Variants in PCDHGB5 observed in about 807,000 individuals in gnomAD.
The protein encoded by PCDHGB5 is protocadherin gamma-B5.
A neutral mutation model predicts 62.9 loss-of-function variants in PCDHGB5; 48 were observed. The observed-to-expected ratio is 0.76, with a 90% CI of 0.61 to 0.97. PCDHGB5 has a LOEUF of 0.97. Among genes scored for constraint, PCDHGB5 ranks in the 50% least tolerant of loss-of-function variants. The pLI is 0.00. For missense variants in PCDHGB5, 1,118 were observed against 1,198.6 expected, an observed-to-expected ratio of 0.93 and a Z score of 0.99; for synonymous variants, 474 against 511.2, an observed-to-expected ratio of 0.93 and a Z score of 0.98.
intron 2 of PCDHGB5, among the ~76,000 whole-genome samples, chr5:141,499,575 T>TCCCTA (rs2099792820): frequency 1.3e-5 from 2 of 152,202 alleles, no homozygotes; most frequent in Non-Finnish European, 2.9e-5. Context: ...CTTCAACTAA[T>TCCCTA]GCCTTATCTT....
intron 3 of PCDHGB5, chr5:141,507,213 G>C (rs1016967764): frequency 6.6e-6 from 1 of 152,558 alleles, no homozygotes; most frequent in African/African-American, 2.4e-5. Context: ...AGGGTTGCCA[G>C]ATAAAATACA....
chr5:141,439,428 C>T (rs1191911600), intron 1 of PCDHGB5, among the ~76,000 whole-genome samples: 1 of 152,170 alleles, frequency 6.6e-6, no homozygotes, highest in Non-Finnish European at 1.5e-5. Flanking sequence ...TATAAATTCC[C>T]AGGAATATTT....
intron 2 of PCDHGB5, among the ~76,000 whole-genome samples, chr5:141,503,202 C>G (rs1562210201): frequency 6.6e-6 from 1 of 152,090 alleles, no homozygotes; most frequent in East Asian, 1.9e-4. Context: ...ATCAGCCTCT[C>G]AGTGCCCACC....
At chr5:141,418,742 G>T (rs1351760637) in intron 1 of PCDHGB5, 6 of 1,613,778 alleles carry the variant, frequency 3.7e-6, no homozygotes, top group South Asian at 1.1e-5. Context: ...GTTCTCTCTG[G>T]ATTACACTAC....
At chr5:141,475,500 T>C (rs1393586791) in intron 1 of PCDHGB5, among the ~76,000 whole-genome samples, 1 of 152,248 alleles carries the variant, frequency 6.6e-6, no homozygotes, top group East Asian at 1.9e-4. Flanking sequence ...ACTGAAATTA[T>C]TAATGTCTCC....
At chr5:141,428,185 G>T (rs775261215) in intron 1 of PCDHGB5, 286 of 1,446,232 alleles carry the variant, frequency 2.0e-4, no homozygotes, top group Non-Finnish European at 2.5e-4. Context: ...GAGGACAGCC[G>T]CCGCTCTCTG....
At chr5:141,442,837 A>G (rs2098346617) in intron 1 of PCDHGB5, among the ~76,000 whole-genome samples, 1 of 152,202 alleles carries the variant, frequency 6.6e-6, no homozygotes, top group Admixed American at 6.5e-5. Flanking sequence ...GGGAGGGACA[A>G]ATCTTGGCCA....
chr5:141,415,289 C>T (rs1413039067), intron 1 of PCDHGB5: 11 of 1,614,088 alleles, frequency 6.8e-6, no homozygotes, highest in African/African-American at 1.3e-5. Flanking sequence ...GCCGCGGTCT[C>T]CTGCGTCTTC....
Position 141,485,567 on chromosome 5 carries a change from C to G in PCDHGB5, c.2398-9240C>G. The stretch of plus-strand genomic sequence containing the variant: ...CGTAGATGTGAATGATCACGCCCCC[C>G]GTTTTCCGCGGCAGCAGCTGGACTT... On this transcript the variant is annotated intron_variant, in intron 1 of 3. Transcript: ENST00000617380. This position sits in a 1 kb window ranked among gnomAD's most constrained non-coding sequence, Gnocchi z 5.7. 1 of 1,612,882 alleles carries G rather than the reference C, an allele frequency of 6.2e-7. No individual in the cohort carries two copies. The highest frequency in any genetic ancestry group is 8.5e-7 in the Non-Finnish European group (1 of 1,178,978).
rs768132114 is a variant in PCDHGB5 at position 141,489,845 on chromosome 5, G to A, written c.2398-4962G>A. 5 of 1,614,188 alleles carry A rather than the reference G, an allele frequency of 3.1e-6. No homozygotes were observed. The highest frequency in any genetic ancestry group is 2.2e-5 in the South Asian group (2 of 91,088). On this transcript the variant is annotated intron_variant, in intron 1 of 3. Transcript: ENST00000617380. This position sits in a 1 kb window ranked among gnomAD's most constrained non-coding sequence, Gnocchi z 4.5. ...CTGGTGCTAGAGCAGCAGCTGGATC[G>A]TGAAGCCCAGGCAAGACATCAGCTG...
At chr5:141,408,806 C>T in intron 1 of PCDHGB5, 1 of 1,613,010 alleles carries the variant, frequency 6.2e-7, no homozygotes, top group Non-Finnish European at 8.5e-7. Flanking sequence ...ACTCCTAGAC[C>T]GGGAAGAACA....
At position 141,511,572 on chromosome 5, in the gene PCDHGB5, T is replaced by C. The variant is rs1366960269; in HGVS notation, c.*399T>C. The C allele has an allele frequency of 1.0e-5, 3 of 289,550 alleles. No homozygotes were observed. The East Asian group carries it at 2.4e-4, about 23-fold the overall frequency. 17.9% of individuals were successfully genotyped at this position (289,550 alleles called of 1,614,324 possible). ...AACAGTTCCTCTTTCCCGAGTAAGG[T>C]GGTTGGGGTGTTGAAGTACCAAGTA... On this transcript the variant is annotated 3_prime_UTR_variant, in exon 4 of 4. Coordinates refer to ENST00000617380, the MANE Select transcript of PCDHGB5 (RefSeq NM_018925.3).
Position 141,477,447 on chromosome 5 carries a change from G to T in PCDHGB5, c.2398-17360G>T, listed in dbSNP as rs779097830. The T allele has an allele frequency of 6.2e-7, 1 of 1,614,098 alleles. No homozygotes were observed. Among genetic ancestry groups the T allele is most frequent in the Non-Finnish European group, 8.5e-7 (1 of 1,180,016 alleles). ...TCCCTCTCAGCCCTTACAATAGTGCGTGTTCAAGTGTCCGACATCAATGAC... is the reference window on the plus strand; with the variant it reads ...TCCCTCTCAGCCCTTACAATAGTGCTTGTTCAAGTGTCCGACATCAATGAC... On this transcript the variant is annotated intron_variant, in intron 1 of 3. Coordinates refer to ENST00000617380, the MANE Select transcript of PCDHGB5 (RefSeq NM_018925.3). This position sits in a 1 kb window ranked among gnomAD's most constrained non-coding sequence, Gnocchi z 4.9.
Position 141,398,169 on chromosome 5 carries a change from G to T in PCDHGB5, c.42G>T (p.Leu14=), listed in dbSNP as rs2093619628. The stretch of plus-strand genomic sequence containing the variant: ...GGGAGCTGGGCCGGGCTGAGAGGCT[G>T]CCAGTGCTCTTTCTCTTCCTGCTGT... ...GAGELGRAER[L]PVLFLFLLSL... is the part of the protein sequence containing the mutation. Residue 14 remains leucine, a synonymous_variant, in exon 1 of 4, where the codon CTG becomes CTT. Transcript: ENST00000617380. 8 of 1,477,440 alleles carry T rather than the reference G, an allele frequency of 5.4e-6. No individual in the cohort carries two copies. Among genetic ancestry groups the T allele is most frequent in the Admixed American group, 2.6e-5 (1 of 38,272 alleles). 91.5% of individuals were successfully genotyped at this position (1,477,440 alleles called of 1,614,324 possible). A position where few individuals can be genotyped will look rare whatever the true frequency, so the allele number is the denominator to read the frequency against.
chr5:141,485,663 A>G lies in PCDHGB5; in HGVS notation c.2398-9144A>G, dbSNP rs1594506698. ...AAAGGCTCAGGATGCAGATGTGGGG[A>G]GCAATTCGATTAGCAGCTATAGGCT... On this transcript the variant is annotated intron_variant, in intron 1 of 3. Transcript: ENST00000617380. The surrounding 1 kb of genome is among the most constrained non-coding windows in gnomAD (Gnocchi z 5.7). The G allele has an allele frequency of 1.2e-6, 2 of 1,612,638 alleles. No homozygotes were observed. Among genetic ancestry groups the G allele is most frequent in the East Asian group, 4.5e-5 (2 of 44,840 alleles).
rs746838072 is a variant in PCDHGB5 at position 141,486,116 on chromosome 5, T to A, written c.2398-8691T>A. ...GCCCCTAGACTTTGAGAGTGAGAATTACTATGAATTTGATGTGCGGGCTCG... is the reference window on the plus strand; with the variant it reads ...GCCCCTAGACTTTGAGAGTGAGAATAACTATGAATTTGATGTGCGGGCTCG... On this transcript the variant is annotated intron_variant, in intron 1 of 3. Coordinates refer to ENST00000617380, the MANE Select transcript of PCDHGB5 (RefSeq NM_018925.3). This position sits in a 1 kb window ranked among gnomAD's most constrained non-coding sequence, Gnocchi z 5.0. 1.1e-5 allele frequency: 17 copies of A among 1,613,638 alleles called. No homozygotes were observed. Among genetic ancestry groups the A allele is most frequent in the Non-Finnish European group, 1.4e-5 (17 of 1,179,610 alleles).
At chr5:141,424,080 C>T (rs2096798143) in intron 1 of PCDHGB5, 1 of 970,378 alleles carries the variant, frequency 1.0e-6, no homozygotes, top group Admixed American at 6.0e-5. Context: ...AGTTATATTC[C>T]ACCATTATTT....
intron 3 of PCDHGB5, among the ~76,000 whole-genome samples, chr5:141,510,375 G>A (rs980966602): frequency 3.4e-5 from 5 of 148,132 alleles, no homozygotes; most frequent in East Asian, 2.0e-4. Context: ...ATCTCTACTC[G>A]TGCCAGGCCT....
chr5:141,449,693 G>A (rs2098652097), intron 1 of PCDHGB5, among the ~76,000 whole-genome samples: 1 of 150,164 alleles, frequency 6.7e-6, no homozygotes, highest in South Asian at 2.1e-4. Flanking sequence ...TTGTGTGTAT[G>A]TACACAAACA....
Sources: allele counts gnomAD v4.1 joint callset (sites outside exome capture counted in the v4.1 genomes callset), GRCh38; gene constraint gnomAD v4.1.1; non-coding constraint Gnocchi (gnomAD v3.1); transcripts MANE v1.5; gene names NCBI Gene and HGNC (gene_info 2026-07-23, HGNC 2026-07-21).